KAT6B: variants seen among roughly 807,000 people sequenced by gnomAD.
KAT6B encodes the protein histone acetyltransferase KAT6B.
In KAT6B, 10 loss-of-function variants were observed where a neutral mutation model predicts 187.5. The ratio of observed to expected loss-of-function variants is 0.05; its 90% CI spans 0.03 to 0.09. The LOEUF (loss-of-function observed/expected upper bound fraction) is 0.09. KAT6B is among the 10% of genes least tolerant of loss of function. The probability of loss-of-function intolerance (pLI) is 1.00; values close to 1 mark genes in which losing one functional copy is unlikely to be tolerated. For missense variants in KAT6B, 1,952 were observed against 2,558.9 expected (o/e 0.76, Z 5.12); for synonymous variants, 861 against 926.8 (o/e 0.93, Z 1.29).
chr10:75,022,571 C>G (rs1481415526), intron 16 of KAT6B, among the ~76,000 whole-genome samples: 1 of 152,108 alleles, frequency 6.6e-6, no homozygotes, highest in African/African-American at 2.4e-5. Flanking sequence ...GACCTAGAGG[C>G]CAGGAGACTT....
Position 74,917,097 on chromosome 10 carries a change from C to T in KAT6B, c.622-42873C>T, listed in dbSNP as rs60491491. On this transcript the variant is annotated intron_variant, in intron 3 of 17. Coordinates refer to ENST00000287239, the MANE Select transcript of KAT6B (RefSeq NM_012330.4). ...TTTGGCCTGGGTGACAGGCCGAGAC[C>T]CTGTCTCAAAAAACCTGAACACTTC... 2.4e-3 allele frequency among the ~76,000 whole-genome samples: 367 copies of T among 152,252 alleles called. 1 individual carries two copies. Among genetic ancestry groups the T allele is most frequent in the African/African-American group, 8.5e-3 (353 of 41,528 alleles).
intron 13 of KAT6B, among the ~76,000 whole-genome samples, chr10:75,007,486 C>G (rs1176665997): frequency 6.6e-6 from 1 of 151,960 alleles, no homozygotes; most frequent in Non-Finnish European, 1.5e-5. Flanking sequence ...CAAGACTGTT[C>G]TAGTGCCTGG....
At chr10:75,007,067 CAA>C (rs888030380) in intron 13 of KAT6B, among the ~76,000 whole-genome samples, 13 of 67,156 alleles carry the variant, frequency 1.9e-4, no homozygotes, top group Admixed American at 5.3e-4. Context: ...GACTCCATCT[CAA>C]AAAAAAAAAA....
Position 75,028,772 on chromosome 10 carries a change from A to G in KAT6B, c.3948A>G (p.Glu1316=). The G allele has an allele frequency of 6.2e-7, 1 of 1,614,176 alleles. No homozygotes were observed. Among genetic ancestry groups the G allele is most frequent in the Non-Finnish European group, 8.5e-7 (1 of 1,180,026 alleles). ...AGGAGGAGGTCAAGGAAACTGGGGA[A>G]GCCCTGTTGCCTCAAGAGGAAAACA... ...RIEEEVKETG[E]ALLPQEENRR... is the part of the protein sequence containing the mutation. Residue 1316 remains glutamate (E), a synonymous_variant, in exon 18 of 18, where the codon GAA becomes GAG. Transcript: ENST00000287239.
chr10:74,840,680 G>A, intron 2 of KAT6B, among the ~76,000 whole-genome samples: 1 of 152,214 alleles, frequency 6.6e-6, no homozygotes, highest in Non-Finnish European at 1.5e-5. Flanking sequence ...AGGTTGGACT[G>A]GATGACCTTC....
chr10:74,966,115 A>G (rs1841448109), intron 4 of KAT6B, among the ~76,000 whole-genome samples: 1 of 152,188 alleles, frequency 6.6e-6, no homozygotes, highest in Admixed American at 6.5e-5. Flanking sequence ...GGTCATGGCC[A>G]GGTTCTACAG....
intron 13 of KAT6B, among the ~76,000 whole-genome samples, chr10:75,014,981 G>A (rs1844879842): frequency 6.6e-6 from 1 of 152,150 alleles, no homozygotes; most frequent in South Asian, 2.1e-4. Context: ...GGGTTCTAGT[G>A]GTGGTTTTCA....
chr10:75,020,524 T>C (rs1589821304), intron 13 of KAT6B, 58 bp from the exon 14 acceptor site: 1 of 1,189,646 alleles, frequency 8.4e-7, no homozygotes. Context: ...TAGTGGCTCC[T>C]GTTCTAAGCT....
chr10:74,947,404 C>G (rs2133363379), intron 3 of KAT6B, among the ~76,000 whole-genome samples: 1 of 152,276 alleles, frequency 6.6e-6, no homozygotes, highest in East Asian at 1.9e-4. Context: ...GTGTGCTGTT[C>G]TATTATTATT....
chr10:75,025,135 G>A lies in KAT6B; in HGVS notation c.3550G>A (p.Gly1184Ser). 2 of 1,614,220 alleles carry A rather than the reference G, an allele frequency of 1.2e-6. No individual in the cohort carries two copies. The highest frequency in any genetic ancestry group is 1.7e-6 in the Non-Finnish European group (2 of 1,180,044). The stretch of plus-strand genomic sequence containing the variant: ...CTGTGAGATTGAAGTGGAGGAAGAT[G>A]GCAGGAAGCCAGTCCTGAGAAAAGC... ...PTCEIEVEED[G>S]RKPVLRKAFQ... Residue 1184 changes from glycine (G) to serine (S), a missense_variant, in exon 17 of 18, where the codon GGC becomes AGC. Physicochemically the swap from Gly to Ser is moderately conservative, Grantham distance 56 (BLOSUM62 0). Transcript: ENST00000287239.
In KAT6B at chr10:74,959,989, C is replaced by T; in HGVS notation, c.641C>T (p.Pro214Leu). Residue 214 changes from proline (P) to leucine (L), a missense_variant, in exon 4 of 18, where the codon CCA (proline) becomes CTA (leucine). Coordinates refer to ENST00000287239, the MANE Select transcript of KAT6B (RefSeq NM_012330.4). Reference protein sequence around the residue: ...EKDQPRADPIPICSFCLGTKE... With the variant: ...EKDQPRADPILICSFCLGTKE... ...TCATAGCCCCGTGCTGATCCCATTCCAATATGTAGCTTCTGTTTGGGGACT... is the reference window on the plus strand; with the variant it reads ...TCATAGCCCCGTGCTGATCCCATTCTAATATGTAGCTTCTGTTTGGGGACT... The T allele has an allele frequency of 2.5e-6, 4 of 1,611,436 alleles. No individual in the cohort carries two copies. The highest frequency in any genetic ancestry group is 3.4e-6 in the Non-Finnish European group (4 of 1,177,726).
At chr10:75,027,157 G>A (rs1332146673) in intron 17 of KAT6B, among the ~76,000 whole-genome samples, 1 of 152,116 alleles carries the variant, frequency 6.6e-6, no homozygotes, top group Non-Finnish European at 1.5e-5. Context: ...AAAGAATGTG[G>A]AATCCGGGGG....
At position 75,031,015 on chromosome 10, in the gene KAT6B, A is replaced by G. The variant is rs1221534312; in HGVS notation, c.6191A>G (p.Gln2064Arg). Residue 2064 changes from glutamine to arginine, a missense_variant, in exon 18 of 18, where the codon CAG becomes CGG. Around this residue, in one of 9 missense-constraint regions of KAT6B, gnomAD observed 358 missense variants for 436.3 expected, o/e 0.82. Coordinates refer to ENST00000287239, the MANE Select transcript of KAT6B (RefSeq NM_012330.4). Reference protein sequence around the residue: ...HGYMNTGMSKQSLNGSYMRR With the variant: ...HGYMNTGMSKRSLNGSYMRR ...TACATGAACACAGGCATGTCCAAAC[A>G]GTCTCTCAATGGCTCCTACATGAGA... 1.2e-6 allele frequency: 2 copies of G among 1,614,170 alleles called. No individual in the cohort carries two copies. The highest frequency in any genetic ancestry group is 1.7e-6 in the Non-Finnish European group (2 of 1,180,026).
intron 16 of KAT6B, chr10:75,023,726 CCGGA>C (rs1034921197): frequency 6.4e-4 from 98 of 152,284 alleles, no homozygotes; most frequent in African/African-American, 2.1e-3. Context: ...TTCTTGGAGG[CCGGA>C]CACAGTGGCT....
chr10:74,906,649 A>T (rs902092207), intron 3 of KAT6B, among the ~76,000 whole-genome samples: 1 of 152,198 alleles, frequency 6.6e-6, no homozygotes, highest in Non-Finnish European at 1.5e-5. Flanking sequence ...CACTTTTCTT[A>T]CTTTGGTCTT....
At position 75,021,968 on chromosome 10, in the gene KAT6B, G is replaced by A. The variant is rs754306389; in HGVS notation, c.3109G>A (p.Ala1037Thr). ...TAGAGCTAACAGTAGGCAATCACCT[G>A]CAAAAGTACAATCGAAAAATAAATA... The part of the protein sequence containing the change: ...STRANSRQSP[A>T]KVQSKNKYLH... Residue 1037 changes from alanine to threonine, a missense_variant, in exon 16 of 18, where the codon GCA becomes ACA. Ala to Thr is a moderately conservative substitution (Grantham distance 58). Transcript: ENST00000287239. 9.9e-6 allele frequency: 16 copies of A among 1,614,008 alleles called. No individual in the cohort carries two copies. The Admixed American group carries it at 2.7e-4, about 27-fold the overall frequency.
chr10:74,873,338 G>C (rs1844151800), intron 3 of KAT6B, among the ~76,000 whole-genome samples: 1 of 150,984 alleles, frequency 6.6e-6, no homozygotes. Flanking sequence ...GATGGCATGT[G>C]CCTGTGGTTC....
chr10:74,930,009 T>TC (rs1195353671), intron 3 of KAT6B, among the ~76,000 whole-genome samples: 2 of 150,482 alleles, frequency 1.3e-5, no homozygotes, highest in Non-Finnish European at 3.0e-5. Flanking sequence ...AACCTCTACC[T>TC]CCTGGGTTCA....
intron 13 of KAT6B, among the ~76,000 whole-genome samples, chr10:74,995,790 A>T (rs1356629662): frequency 6.6e-6 from 1 of 152,220 alleles, no homozygotes; most frequent in African/African-American, 2.4e-5. Context: ...TGTCATGAGT[A>T]ATCTTGGGCA....
Sources: gnomAD v4.1 joint callset for allele counts (sites outside exome capture counted in the v4.1 genomes callset) on GRCh38, gnomAD v4.1.1 for gene constraint, gnomAD v4.1.1 regional missense constraint, MANE v1.5 for transcripts, NCBI Gene and HGNC (gene_info 2026-07-23, HGNC 2026-07-21) for gene names.